The following CALCR variants were observed in gnomAD, a reference collection of about 807,000 sequenced individuals.
CALCR encodes calcitonin receptor.
A neutral mutation model predicts 59.5 loss-of-function variants in CALCR; 47 were observed. The ratio of observed to expected loss-of-function variants is 0.79; its 90% CI spans 0.63 to 1.01. The LOEUF (loss-of-function observed/expected upper bound fraction) is 1.01. Ranked by LOEUF, CALCR falls within the 50% of genes least tolerant of loss-of-function variation. The probability of loss-of-function intolerance (pLI) is 0.00; values close to 1 mark genes in which losing one functional copy is unlikely to be tolerated. For synonymous variants in CALCR, 213 were observed against 211.3 expected, an observed-to-expected ratio of 1.01 and a Z score of -0.07; for missense variants, 566 against 597.1, an observed-to-expected ratio of 0.95 and a Z score of 0.54.
chr7:93,549,188 T>C (rs1428627970), intron 2 of CALCR, among the ~76,000 whole-genome samples: 1 of 152,044 alleles, frequency 6.6e-6, no homozygotes, highest in African/African-American at 2.4e-5. Flanking sequence ...AGTGGAGGGG[T>C]TGGATAATCA....
At chr7:93,428,632 C>T (rs893685765) in intron 13 of CALCR, among the ~76,000 whole-genome samples, 3 of 152,062 alleles carry the variant, frequency 2.0e-5, no homozygotes, top group African/African-American at 7.2e-5. Flanking sequence ...AACCCTGTCT[C>T]TACTAAAAAT....
intron 3 of CALCR, among the ~76,000 whole-genome samples, chr7:93,484,237 T>A (rs1180092669): frequency 1.3e-5 from 2 of 151,804 alleles, no homozygotes; most frequent in Non-Finnish European, 2.9e-5. Flanking sequence ...GGTCATATGC[T>A]TATGCAATTC....
chr7:93,490,919 A>G (rs979725585), intron 2 of CALCR, among the ~76,000 whole-genome samples: 1 of 151,986 alleles, frequency 6.6e-6, no homozygotes, highest in Non-Finnish European at 1.5e-5. Context: ...TAAATTTCGT[A>G]TGGGATCAAA....
intron 8 of CALCR, among the ~76,000 whole-genome samples, chr7:93,459,217 T>C (rs1584551804): frequency 6.6e-6 from 1 of 152,142 alleles, no homozygotes; most frequent in East Asian, 1.9e-4. Context: ...TGTGGAAAAC[T>C]AATCAACCAG....
intron 2 of CALCR, among the ~76,000 whole-genome samples, chr7:93,512,863 G>A (rs1242080900): frequency 6.6e-6 from 1 of 152,024 alleles, no homozygotes; most frequent in Non-Finnish European, 1.5e-5. Flanking sequence ...TTTTTTCCTT[G>A]ATAAACAGCA....
chr7:93,563,791 T>C (rs1451713410), intron 2 of CALCR, among the ~76,000 whole-genome samples: 8 of 152,204 alleles, frequency 5.3e-5, no homozygotes, highest in Admixed American at 3.9e-4. Flanking sequence ...TTTACTTACA[T>C]ACTGGAGCTA....
Position 93,462,172 on chromosome 7 carries a change from G to A in CALCR, c.522-1225C>T, listed in dbSNP as rs968650301. On this transcript the variant is annotated intron_variant, in intron 7 of 13. Coordinates refer to ENST00000426151, the MANE Select transcript of CALCR (RefSeq NM_001742.4). ...GTTAGAGCATATTTTAACTATTATA[G>A]TTACAGTTTTCAACTTTTCGGGAAG... is the stretch of plus-strand genomic sequence containing the variant. 32 of 897,142 alleles carry A rather than the reference G, an allele frequency of 3.6e-5. No individual in the cohort carries two copies. The African/African-American group carries it at 5.3e-4, about 15-fold the overall frequency. The allele number at this position is 897,142 out of a possible 1,614,324, so 55.6% of individuals were successfully genotyped here.
rs531650300 is a variant in CALCR at position 93,503,311 on chromosome 7, C to T, written c.-26-16304G>A. Among the ~76,000 whole-genome samples the T allele has an allele frequency of 7.2e-5, 11 of 152,150 alleles. No homozygotes were observed. In the South Asian group the frequency reaches 2.3e-3, roughly 32 times the overall value. ...ATGAGGTAAGACATAACTACTCACA[C>T]CCTATTGCCCTAAGCAAGTTACAAC... On this transcript the variant is annotated intron_variant, in intron 2 of 13. Coordinates refer to ENST00000426151, the MANE Select transcript of CALCR (RefSeq NM_001742.4).
chr7:93,473,376 G>A (rs768022768), intron 5 of CALCR, among the ~76,000 whole-genome samples: 11 of 151,668 alleles, frequency 7.3e-5, no homozygotes, highest in Non-Finnish European at 1.3e-4. Context: ...AATCAAATCC[G>A]AGTCTACTTG....
Position 93,460,597 on chromosome 7 carries a change from A to ATG in CALCR, c.648+223_648+224insCA, listed in dbSNP as rs1482290280. ...AATATATATATATATATATATGTAT[A>ATG]TATATATATATATATGGTTTGTTGT... is the stretch of plus-strand genomic sequence containing the variant. On this transcript the variant is annotated intron_variant, in intron 8 of 13. Transcript: ENST00000426151. Among the ~76,000 whole-genome samples, 154 of 133,746 alleles carry ATG rather than the reference A, an allele frequency of 1.2e-3. 1 individual carries two copies. The highest frequency in any genetic ancestry group is 4.3e-3 in the African/African-American group (142 of 33,092). The allele number at this position is 133,746 out of a possible 152,430, so 87.7% of individuals were successfully genotyped here. A position where few individuals can be genotyped will look rare whatever the true frequency, so the allele number is the denominator to read the frequency against.
intron 2 of CALCR, among the ~76,000 whole-genome samples, chr7:93,534,038 T>C (rs529770986): frequency 2.6e-4 from 40 of 151,856 alleles, no homozygotes; most frequent in African/African-American, 9.6e-4. Context: ...AAGTATAATT[T>C]TGAAAATACC....
intron 2 of CALCR, among the ~76,000 whole-genome samples, chr7:93,559,304 C>A (rs1392194933): frequency 6.6e-6 from 1 of 151,916 alleles, no homozygotes; most frequent in Non-Finnish European, 1.5e-5. Context: ...AACTTTTCCA[C>A]CCCCTCCCCT....
chr7:93,466,872 T>C (rs1800450767), intron 7 of CALCR, among the ~76,000 whole-genome samples: 1 of 151,700 alleles, frequency 6.6e-6, no homozygotes, highest in Non-Finnish European at 1.5e-5. Context: ...AATATAGAAA[T>C]GATCGTTGAA....
intron 7 of CALCR, among the ~76,000 whole-genome samples, chr7:93,465,243 T>G (rs1357783914): frequency 1.3e-5 from 2 of 151,942 alleles, no homozygotes; most frequent in African/African-American, 2.4e-5. Context: ...TAATTGAAAT[T>G]TATGGATAAG....
chr7:93,430,024 C>T (rs753091339), intron 13 of CALCR, among the ~76,000 whole-genome samples: 7 of 150,928 alleles, frequency 4.6e-5, no homozygotes, highest in South Asian at 2.1e-4. Context: ...CTCCACCTCC[C>T]GGGTTCACCC....
intron 2 of CALCR, among the ~76,000 whole-genome samples, chr7:93,519,424 C>T (rs1488219159): frequency 6.6e-6 from 1 of 152,008 alleles, no homozygotes; most frequent in Non-Finnish European, 1.5e-5. Flanking sequence ...TACTTAACCA[C>T]TCTTAGCCTC....
Position 93,472,251 on chromosome 7 carries a change from CAT to C in CALCR, c.429+122_429+123del, listed in dbSNP as rs1263492961. On this transcript the variant is annotated intron_variant, in intron 6 of 13. Coordinates refer to ENST00000426151, the MANE Select transcript of CALCR (RefSeq NM_001742.4). The stretch of plus-strand genomic sequence containing the variant: ...GAGATTCCTAGAACTTACCAGTTAT[CAT>C]ATGATTTCTTTCCACAAAACCTGTT... 8 of 618,112 alleles carry C rather than the reference CAT, an allele frequency of 1.3e-5. No individual in the cohort carries two copies. In the African/African-American group the frequency reaches 1.5e-4, roughly 12 times the overall value. 38.3% of individuals were successfully genotyped at this position (618,112 alleles called of 1,614,324 possible).
chr7:93,548,830 TC>T (rs1335630718), intron 2 of CALCR, among the ~76,000 whole-genome samples: 1 of 144,472 alleles, frequency 6.9e-6, no homozygotes, highest in African/African-American at 2.6e-5. Context: ...AATAATTCAA[TC>T]CAGAAGAAGT....
intron 2 of CALCR, among the ~76,000 whole-genome samples, chr7:93,502,508 C>A (rs1801339479): frequency 6.6e-6 from 1 of 152,048 alleles, no homozygotes; most frequent in African/African-American, 2.4e-5. Context: ...ATATAACTAT[C>A]TTCTGGCTAA....
Sources: allele counts gnomAD v4.1 joint callset (sites outside exome capture counted in the v4.1 genomes callset), GRCh38; gene constraint gnomAD v4.1.1; transcripts MANE v1.5; gene names NCBI Gene and HGNC (gene_info 2026-07-23, HGNC 2026-07-21).